Variants in FAP observed in about 807,000 individuals in gnomAD.
The protein encoded by FAP is fibroblast activation protein alpha, also known as prolyl endopeptidase FAP.
FAP carries 110 observed loss-of-function variants against 126.5 expected under a neutral mutation model. The ratio of observed to expected loss-of-function variants is 0.87; its 90% confidence interval spans 0.74 to 1.02. The LOEUF is 1.02. Ranked by LOEUF, FAP falls within the 50% of genes least tolerant of loss-of-function variation. The pLI, the probability that FAP is intolerant of heterozygous loss-of-function variation, is 0.00. For missense variants in FAP, 919 were observed against 909.2 expected, an observed-to-expected ratio of 1.01 and a Z score of -0.14; for synonymous variants, 334 against 297.3, an observed-to-expected ratio of 1.12 and a Z score of -1.27.
At chr2:162,198,641 A>T (rs539943963) in intron 16 of FAP, 116 bp downstream of exon 16, 1 of 1,252,676 alleles carries the variant, frequency 8.0e-7, no homozygotes, top group African/African-American at 1.5e-5. Flanking sequence ...ACAAGATAAG[A>T]TTCTTACATA....
In FAP at chr2:162,219,859, A is replaced by G; in HGVS notation, c.480T>C (p.Ser160=). 2.5e-6 allele frequency: 4 copies of G among 1,606,144 alleles called. No homozygotes were observed. The African/African-American group carries it at 4.0e-5, about 16-fold the overall frequency. ...CAAAAATTTAAACACTTACTAATTT[A>G]CTCCCAACAGGCGACCAGCATAAAT... is the stretch of plus-strand genomic sequence containing the variant. The part of the protein sequence containing the change: ...IQYLCWSPVG[S]KLAYVYQNNI... The change falls in exon 7 of 26, where the codon AGT becomes AGC. Residue 160 remains serine, a synonymous_variant. Transcript: ENST00000188790.
chr2:162,187,362 C>T (rs758868477), intron 20 of FAP, among the ~76,000 whole-genome samples: 28 of 152,136 alleles, frequency 1.8e-4, no homozygotes, highest in African/African-American at 3.4e-4. Flanking sequence ...CATATATTCA[C>T]GACTGAGAGT....
chr2:162,206,115 T>C (rs776394322), intron 12 of FAP, among the ~76,000 whole-genome samples: 1 of 152,224 alleles, frequency 6.6e-6, no homozygotes, highest in Admixed American at 6.5e-5. Flanking sequence ...TCCCCTTTCA[T>C]TGCACACATT....
chr2:162,226,615 T>A lies in FAP; in HGVS notation c.98A>T (p.Asn33Ile). 6.4e-7 allele frequency: 1 copy of A among 1,568,000 alleles called. No individual in the cohort carries two copies. Among genetic ancestry groups the A allele is most frequent in the Non-Finnish European group, 8.7e-7 (1 of 1,148,524 alleles). ...CIVLRPSRVH[N>I]SEENTMRALT... ...TGCTCTCATTGTATTTTCTTCAGAG[T>A]TATGAACTTTGGGGGAAGAGCAAAT... is the stretch of plus-strand genomic sequence containing the variant. Residue 33 changes from asparagine to isoleucine, a missense_variant, in exon 3 of 26, where the codon AAC becomes ATC. Transcript: ENST00000188790.
intron 12 of FAP, among the ~76,000 whole-genome samples, chr2:162,205,157 T>C (rs1431176772): frequency 6.6e-6 from 1 of 152,216 alleles, no homozygotes; most frequent in African/African-American, 2.4e-5. Flanking sequence ...TGCTGCCTGA[T>C]TTATGAATTG....
At chr2:162,180,961 A>T (rs1358141005) in intron 21 of FAP, among the ~76,000 whole-genome samples, 1 of 152,118 alleles carries the variant, frequency 6.6e-6, no homozygotes, top group Non-Finnish European at 1.5e-5. Flanking sequence ...ATCCAGACCC[A>T]GAAAAACACC....
chr2:162,230,913 C>A (rs748271923), intron 2 of FAP, among the ~76,000 whole-genome samples: 3 of 152,114 alleles, frequency 2.0e-5, no homozygotes, highest in Non-Finnish European at 4.4e-5. Context: ...ACTACAAACT[C>A]ACGGTAGGTG....
chr2:162,179,792 A>C (rs951876530), intron 21 of FAP, among the ~76,000 whole-genome samples: 38,425 of 96,528 alleles, frequency 0.4, 6,669 homozygotes, highest in Middle Eastern at 0.52. Context: ...CTATCTATCT[A>C]TATATATATA....
At chr2:162,229,052 A>G (rs533076610) in intron 2 of FAP, among the ~76,000 whole-genome samples, 2 of 152,294 alleles carry the variant, frequency 1.3e-5, no homozygotes, top group South Asian at 2.1e-4. Flanking sequence ...AATTCAATAA[A>G]TGAATATAAC....
chr2:162,228,963 T>A (rs1389190376), intron 2 of FAP, among the ~76,000 whole-genome samples: 4 of 152,164 alleles, frequency 2.6e-5, no homozygotes, highest in African/African-American at 9.6e-5. Context: ...AATATCTAGA[T>A]GGAAAATTTA....
intron 21 of FAP, among the ~76,000 whole-genome samples, chr2:162,182,265 T>C (rs1161697354): frequency 2.0e-5 from 3 of 152,130 alleles, no homozygotes. Flanking sequence ...AAAAGCAAAG[T>C]CCAACTCTAA....
At chr2:162,242,780 C>G in intron 2 of FAP, 128 bp downstream of exon 2, 1 of 682,854 alleles carries the variant, frequency 1.5e-6, no homozygotes, top group Non-Finnish European at 2.5e-6. Flanking sequence ...GCTTATATGT[C>G]TTCTTAGAAA....
chr2:162,207,710 G>T (rs1273085203), intron 12 of FAP, among the ~76,000 whole-genome samples: 1 of 148,108 alleles, frequency 6.8e-6, no homozygotes, highest in Non-Finnish European at 1.5e-5. Context: ...CCTCCACTGA[G>T]GGCATTTTTT....
At chr2:162,174,399 A>G (rs1300253734) in intron 22 of FAP, among the ~76,000 whole-genome samples, 2 of 152,178 alleles carry the variant, frequency 1.3e-5, no homozygotes, top group Non-Finnish European at 2.9e-5. Flanking sequence ...CATTGATGTA[A>G]TGATAAAAAT....
rs752580799 is a variant in FAP, at chr2:162,225,577, C to A, written c.191G>T (p.Gly64Val). The change falls in exon 4 of 26, where the codon GGA (glycine) becomes GTA (valine). Residue 64 changes from glycine (G) to valine (V), a missense_variant and splice_region_variant. Transcript: ENST00000188790. ...YKTFFPNWIS[G>V]QEYLHQSADN... ...TGCAGATTGATGAAGATATTCTTGT[C>A]CTTTAAACAAGAAAGAAAACAAAAT... 1 of 1,582,360 alleles carries A rather than the reference C, an allele frequency of 6.3e-7. No individual in the cohort carries two copies. Among genetic ancestry groups the A allele is most frequent in the East Asian group, 2.3e-5 (1 of 44,312 alleles).
Position 162,170,883 on chromosome 2 carries a change from T to C in FAP, c.*96A>G. 1.1e-6 allele frequency: 1 copy of C among 891,346 alleles called. No individual in the cohort carries two copies. Among genetic ancestry groups the C allele is most frequent in the Non-Finnish European group, 1.8e-6 (1 of 557,852 alleles). The allele number at this position is 891,346 out of a possible 1,614,324, so 55.2% of individuals were successfully genotyped here. On this transcript the variant is annotated 3_prime_UTR_variant, in exon 26 of 26. Coordinates refer to ENST00000188790, the MANE Select transcript of FAP (RefSeq NM_004460.5). ...ACAACATTAATTTGTTTGTTTATAC[T>C]AGCATTTTACAACATAAAAAATAAA...
intron 20 of FAP, among the ~76,000 whole-genome samples, chr2:162,184,797 G>C (rs1417923416): frequency 2.6e-5 from 4 of 152,094 alleles, no homozygotes; most frequent in African/African-American, 9.7e-5. Context: ...CTTGCTACTG[G>C]TGCTTGAAGA....
chr2:162,227,520 C>T (rs977616737), intron 2 of FAP, among the ~76,000 whole-genome samples: 5 of 152,116 alleles, frequency 3.3e-5, no homozygotes, highest in African/African-American at 1.2e-4. Context: ...CCACCTTACC[C>T]CTTCCACAGG....
chr2:162,237,935 T>C (rs1356148587), intron 2 of FAP, among the ~76,000 whole-genome samples: 1 of 152,208 alleles, frequency 6.6e-6, no homozygotes. Context: ...GATTTGCATT[T>C]CTCTAATTAC....
Sources: allele counts gnomAD v4.1 joint callset (sites outside exome capture counted in the v4.1 genomes callset), GRCh38; gene constraint gnomAD v4.1.1; transcripts MANE v1.5; gene names NCBI Gene and HGNC (gene_info 2026-07-23, HGNC 2026-07-21).